Variants in BICRA observed in about 807,000 individuals in gnomAD.
The protein encoded by BICRA is BRD4 interacting chromatin remodeling complex associated protein, also known as BRD4-interacting chromatin-remodeling complex-associated protein.
Under a neutral mutation model 96.9 loss-of-function variants are expected in BICRA, and 31 were observed. The ratio of observed to expected loss-of-function variants is 0.32; its 90% CI spans 0.24 to 0.43. The LOEUF is 0.43. BICRA is among the 20% of genes least tolerant of loss of function. BICRA has a pLI of 1.00. For missense variants in BICRA, 2,283 were observed against 2,190.3 expected (o/e 1.04, Z -0.84); for synonymous variants, 1,350 against 1,071.8 (o/e 1.26, Z -5.07).
At chr19:47,692,810 A>G (rs1973261288) in intron 7 of BICRA, among the ~76,000 whole-genome samples, 1 of 152,196 alleles carries the variant, frequency 6.6e-6, no homozygotes, top group Non-Finnish European at 1.5e-5. Context: ...CTGGTGGTGA[A>G]TCTGATGTCA....
chr19:47,665,444 G>A (rs560208909), intron 1 of BICRA, among the ~76,000 whole-genome samples: 30 of 152,204 alleles, frequency 2.0e-4, no homozygotes, highest in African/African-American at 7.2e-4. Flanking sequence ...ACCATCAGAC[G>A]GATATATGAT....
At chr19:47,682,899 A>C (rs1973088972) in intron 7 of BICRA, among the ~76,000 whole-genome samples, 1 of 152,022 alleles carries the variant, frequency 6.6e-6, no homozygotes, top group African/African-American at 2.4e-5. Context: ...CTTGAACTCC[A>C]GACCTCAAGT....
Position 47,681,101 on chromosome 19 carries a change from CGCA to C in BICRA, c.1937_1939del (p.Gln646del), listed in dbSNP as rs1973046323. 6.9e-7 allele frequency: 1 copy of C among 1,457,446 alleles called. No individual in the cohort carries two copies. Among genetic ancestry groups the C allele is most frequent in the African/African-American group, 1.4e-5 (1 of 69,908 alleles). The allele number at this position is 1,457,446 out of a possible 1,614,324, so 90.3% of individuals were successfully genotyped here. A position where few individuals can be genotyped will look rare whatever the true frequency, so the allele number is the denominator to read the frequency against. On this transcript the variant is annotated inframe_deletion, in exon 6 of 15. Coordinates refer to ENST00000594866, the MANE Select transcript of BICRA (RefSeq NM_001394372.1). ...CCCCTGGGCCTCCAGCAGCCGCAGG[CGCA>C]GCAGCCCCCGCAGGCCCCCACCCCA...
intron 7 of BICRA, among the ~76,000 whole-genome samples, chr19:47,692,994 C>G (rs917536240): frequency 1.3e-5 from 2 of 152,218 alleles, no homozygotes; most frequent in Non-Finnish European, 2.9e-5. Context: ...AGTTTTGGAG[C>G]CTTGGCCTCA....
At chr19:47,640,629 A>G (rs1385487902) in intron 1 of BICRA, among the ~76,000 whole-genome samples, 2 of 151,802 alleles carry the variant, frequency 1.3e-5, no homozygotes, top group African/African-American at 4.8e-5. Context: ...GTGCTGTGGA[A>G]GAAAACAGAG....
chr19:47,678,709 C>T (rs943793607), intron 5 of BICRA, among the ~76,000 whole-genome samples: 4 of 151,314 alleles, frequency 2.6e-5, no homozygotes, highest in Admixed American at 6.6e-5. Context: ...AGATTACAGG[C>T]GTGAGTCACT....
At chr19:47,638,170 G>A (rs1451816054) in intron 1 of BICRA, among the ~76,000 whole-genome samples, 2 of 151,976 alleles carry the variant, frequency 1.3e-5, no homozygotes, top group African/African-American at 4.8e-5. Context: ...TCAGCCAAGA[G>A]AGAGTGAGTC....
At position 47,675,333 on chromosome 19, in the gene BICRA, G is replaced by T. The variant is rs1292176219; in HGVS notation, c.85-518G>T. ...TCACTGGGCACATATGTGGATGCCAGGGCCTGTTCTGGGCACTAAGGATGG... is the reference window on the plus strand; with the variant it reads ...TCACTGGGCACATATGTGGATGCCATGGCCTGTTCTGGGCACTAAGGATGG... On this transcript the variant is annotated intron_variant, in intron 4 of 14. Coordinates refer to ENST00000594866, the MANE Select transcript of BICRA (RefSeq NM_001394372.1). The surrounding 1 kb of genome is among the most constrained non-coding windows in gnomAD (Gnocchi z 4.7). Among the ~76,000 whole-genome samples the T allele has an allele frequency of 2.6e-5, 4 of 152,218 alleles. No homozygotes were observed. Among genetic ancestry groups the T allele is most frequent in the Admixed American group, 2.6e-4 (4 of 15,278 alleles).
intron 1 of BICRA, among the ~76,000 whole-genome samples, chr19:47,645,248 G>A (rs1972442113): frequency 6.6e-6 from 1 of 152,092 alleles, no homozygotes; most frequent in African/African-American, 2.4e-5. Context: ...GTTTCATGAC[G>A]TTGACATTTT....
intron 7 of BICRA, among the ~76,000 whole-genome samples, chr19:47,685,934 G>A (rs1393296523): frequency 6.6e-6 from 1 of 151,678 alleles, no homozygotes; most frequent in Non-Finnish European, 1.5e-5. Context: ...CCCACCACCC[G>A]GGATAAGAAT....
At chr19:47,669,541 A>C (rs1818052611) in intron 1 of BICRA, among the ~76,000 whole-genome samples, 1 of 152,176 alleles carries the variant, frequency 6.6e-6, no homozygotes. Flanking sequence ...TATACATAGT[A>C]TATAACACTA....
intron 7 of BICRA, among the ~76,000 whole-genome samples, chr19:47,688,981 G>A (rs994762932): frequency 6.6e-6 from 1 of 151,792 alleles, no homozygotes; most frequent in Non-Finnish European, 1.5e-5. Context: ...GCACATGCCA[G>A]CAAGCCCGGC....
At chr19:47,641,145 C>T (rs1040849275) in intron 1 of BICRA, among the ~76,000 whole-genome samples, 4 of 140,306 alleles carry the variant, frequency 2.9e-5, no homozygotes, top group African/African-American at 1.1e-4. Flanking sequence ...TGGTCTCGGT[C>T]TCCTGACCTT....
At chr19:47,646,876 A>C (rs1443025870) in intron 1 of BICRA, among the ~76,000 whole-genome samples, 1 of 152,180 alleles carries the variant, frequency 6.6e-6, no homozygotes, top group Non-Finnish European at 1.5e-5. Flanking sequence ...AGTTATAACC[A>C]TCACCATAAT....
At chr19:47,628,964 A>G (rs1972179573) in intron 1 of BICRA, among the ~76,000 whole-genome samples, 1 of 151,750 alleles carries the variant, frequency 6.6e-6, no homozygotes, top group African/African-American at 2.4e-5. Flanking sequence ...ATTATGTAAC[A>G]GATCTCCAGA....
intron 1 of BICRA, among the ~76,000 whole-genome samples, chr19:47,615,282 C>T (rs1599778826): frequency 6.6e-6 from 1 of 152,320 alleles, no homozygotes; most frequent in South Asian, 2.1e-4. Context: ...GTGCCCGGCC[C>T]CTCATGCTGC....
Position 47,680,316 on chromosome 19 carries a change from C to T in BICRA, c.1146C>T (p.Gly382=), listed in dbSNP as rs367911716. The T allele has an allele frequency of 3.5e-3, 5,392 of 1,544,122 alleles. 14 individuals carry two copies. Among genetic ancestry groups the T allele is most frequent in the Non-Finnish European group, 3.6e-3 (4,184 of 1,152,718 alleles). ...CGGGCGCCACGCTCACCATCCAGGG[C>T]GAGCCGGGGGCGCTCCCGCAGCAGC... ...APAGATLTIQ[G]EPGALPQQPK... The change falls in exon 6 of 15, where the codon GGC becomes GGT. Residue 382 remains glycine (G), a synonymous_variant. Coordinates refer to ENST00000594866, the MANE Select transcript of BICRA (RefSeq NM_001394372.1).
chr19:47,657,782 T>C (rs561518907), intron 1 of BICRA, among the ~76,000 whole-genome samples: 4 of 152,258 alleles, frequency 2.6e-5, no homozygotes, highest in East Asian at 1.9e-4. Flanking sequence ...TGTTGGGTCA[T>C]AGAGTTGGTA....
At chr19:47,646,963 C>T (rs1244150914) in intron 1 of BICRA, among the ~76,000 whole-genome samples, 1 of 152,208 alleles carries the variant, frequency 6.6e-6, no homozygotes, top group African/African-American at 2.4e-5. Flanking sequence ...TTCTCCCCCT[C>T]CCAGCCTCCA....
Sources: gnomAD v4.1 joint callset for allele counts (sites outside exome capture counted in the v4.1 genomes callset) on GRCh38, gnomAD v4.1.1 for gene constraint, Gnocchi (gnomAD v3.1) non-coding constraint, MANE v1.5 for transcripts, NCBI Gene and HGNC (gene_info 2026-07-23, HGNC 2026-07-21) for gene names.